KIF26B: variants seen among roughly 807,000 people sequenced by gnomAD.
The protein encoded by KIF26B is kinesin family member 26B.
KIF26B carries 63 observed loss-of-function variants against 151.2 expected under a neutral mutation model. That is an observed-to-expected ratio of 0.42 (90% CI 0.34 to 0.51). The LOEUF is 0.51. KIF26B is among the 20% of genes least tolerant of loss of function. The probability of loss-of-function intolerance (pLI) is 0.07; values close to 1 mark genes in which losing one functional copy is unlikely to be tolerated. For synonymous variants in KIF26B, 1,357 were observed against 1,262.1 expected (o/e 1.08, Z -1.59); for missense variants, 2,813 against 2,913.6 (o/e 0.97, Z 0.79).
At chr1:245,222,646 A>G (rs1437592102) in intron 2 of KIF26B, among the ~76,000 whole-genome samples, 4 of 152,242 alleles carry the variant, frequency 2.6e-5, no homozygotes, top group African/African-American at 9.6e-5. Context: ...TTGTACAAGA[A>G]TATTCATAGC....
rs201196844 is a variant in KIF26B at position 245,358,518 on chromosome 1, T to TCAAAA, written c.466-8293_466-8289dup. 1.0e-3 allele frequency among the ~76,000 whole-genome samples: 157 copies of TCAAAA among 152,176 alleles called. No homozygotes were observed. Among genetic ancestry groups the TCAAAA allele is most frequent in the African/African-American group, 3.1e-3 (130 of 41,486 alleles). ...CTGGGCTACAGAGTGAGACTCCGTC[T>TCAAAA]CAAAACAAAACAAAACAAAACAAAA... On this transcript the variant is annotated intron_variant, in intron 2 of 14. Coordinates refer to ENST00000407071, the MANE Select transcript of KIF26B (RefSeq NM_018012.4). This position sits in a 1 kb window ranked among gnomAD's most constrained non-coding sequence, Gnocchi z 4.1.
chr1:245,503,020 C>A (rs1171720195), intron 4 of KIF26B, among the ~76,000 whole-genome samples: 1 of 152,028 alleles, frequency 6.6e-6, no homozygotes, highest in Admixed American at 6.6e-5. Context: ...CGCCACCACC[C>A]CGGCTAATTT....
At chr1:245,327,335 G>A (rs1189654278) in intron 2 of KIF26B, among the ~76,000 whole-genome samples, 1 of 152,208 alleles carries the variant, frequency 6.6e-6, no homozygotes, top group African/African-American at 2.4e-5. Context: ...CCCTGATGTA[G>A]TGGTCTCATT....
intron 11 of KIF26B, among the ~76,000 whole-genome samples, chr1:245,684,999 G>A (rs767574884): frequency 1.3e-5 from 2 of 152,256 alleles, no homozygotes; most frequent in Non-Finnish European, 2.9e-5. Flanking sequence ...TGGCCACTCA[G>A]TGGCAGGGGC....
At chr1:245,297,112 G>A (rs1671350555) in intron 2 of KIF26B, among the ~76,000 whole-genome samples, 1 of 152,200 alleles carries the variant, frequency 6.6e-6, no homozygotes, top group Non-Finnish European at 1.5e-5. Flanking sequence ...GGAGGCCAAG[G>A]TGGGTGGATC....
intron 10 of KIF26B, among the ~76,000 whole-genome samples, chr1:245,651,110 A>C (rs2044011267): frequency 6.6e-6 from 1 of 152,194 alleles, no homozygotes. Flanking sequence ...TGTTCCACAA[A>C]AGCGATGAGG....
rs893631936 is a variant in KIF26B, at chr1:245,244,758, A to T, written c.465+88075A>T. Among the ~76,000 whole-genome samples the T allele has an allele frequency of 7.7e-6, 1 of 129,070 alleles. No individual in the cohort carries two copies. The highest frequency in any genetic ancestry group is 1.6e-5 in the Non-Finnish European group (1 of 64,346). The allele number at this position is 129,070 out of a possible 152,430, so 84.7% of individuals were successfully genotyped here. A position where few individuals can be genotyped will look rare whatever the true frequency, so the allele number is the denominator to read the frequency against. On this transcript the variant is annotated intron_variant, in intron 2 of 14. Coordinates refer to ENST00000407071, the MANE Select transcript of KIF26B (RefSeq NM_018012.4). This position sits in a 1 kb window ranked among gnomAD's most constrained non-coding sequence, Gnocchi z 4.2. ...AAGGAACACACAGACACGCACACTCACACACACACACACACACACACACAC... is the reference window on the plus strand; with the variant it reads ...AAGGAACACACAGACACGCACACTCTCACACACACACACACACACACACAC...
rs754774928 is a variant in KIF26B, at chr1:245,472,185, A to G, written c.1166+52440A>G. Among the ~76,000 whole-genome samples, 69 of 152,324 alleles carry G rather than the reference A, an allele frequency of 4.5e-4. 1 individual carries two copies. The Middle Eastern group carries it at 0.01, about 23-fold the overall frequency. On this transcript the variant is annotated intron_variant, in intron 4 of 14. Coordinates refer to ENST00000407071, the MANE Select transcript of KIF26B (RefSeq NM_018012.4). Reference sequence around the variant, plus strand: ...TGTGATGGGAACCAGCCAGGCAAAGATCTAGAGGGAGAGCACCAGGCCTGT... The same window carrying G: ...TGTGATGGGAACCAGCCAGGCAAAGGTCTAGAGGGAGAGCACCAGGCCTGT...
intron 4 of KIF26B, among the ~76,000 whole-genome samples, chr1:245,462,616 G>A (rs1041098400): frequency 2.0e-5 from 3 of 152,138 alleles, no homozygotes; most frequent in Non-Finnish European, 4.4e-5. Context: ...CCGTGTTAGC[G>A]ATGACAGCCA....
Position 245,521,262 on chromosome 1 carries a change from G to A in KIF26B, c.1167-19505G>A, listed in dbSNP as rs538979135. Among the ~76,000 whole-genome samples, 169 of 151,876 alleles carry A rather than the reference G, an allele frequency of 1.1e-3. 1 individual carries two copies. The highest frequency in any genetic ancestry group is 2.4e-3 in the Admixed American group (37 of 15,262). ...TGAGGCAGGAGAATGGCGTGAACCC[G>A]GGAGGCGGAGCTTGCAGTGAGCCGA... On this transcript the variant is annotated intron_variant, in intron 4 of 14. Transcript: ENST00000407071.
At chr1:245,523,729 CA>C (rs1661181633) in intron 4 of KIF26B, among the ~76,000 whole-genome samples, 1 of 152,176 alleles carries the variant, frequency 6.6e-6, no homozygotes, top group Non-Finnish European at 1.5e-5. Flanking sequence ...GCCCCATCTC[CA>C]AATACCATCA....
At chr1:245,237,787 C>A (rs1670141000) in intron 2 of KIF26B, among the ~76,000 whole-genome samples, 1 of 151,936 alleles carries the variant, frequency 6.6e-6, no homozygotes, top group Non-Finnish European at 1.5e-5. Flanking sequence ...TTTGGGAGGC[C>A]AAGGCGTGAA....
At chr1:245,379,902 C>G (rs2103016925) in intron 3 of KIF26B, among the ~76,000 whole-genome samples, 1 of 149,030 alleles carries the variant, frequency 6.7e-6, no homozygotes, top group South Asian at 2.1e-4. Context: ...ACCCGGGCGG[C>G]AGAGGTTGCA....
At position 245,540,169 on chromosome 1, in the gene KIF26B, C is replaced by T. The variant is rs546272753; in HGVS notation, c.1167-598C>T. ...TCCCTGCACAATATCCTCTTATCTA[C>T]GTAAGCAGCCCATAGCCTCAGCGCC... On this transcript the variant is annotated intron_variant, in intron 4 of 14. Transcript: ENST00000407071. The surrounding 1 kb of genome is among the most constrained non-coding windows in gnomAD (Gnocchi z 4.6). Among the ~76,000 whole-genome samples, 3 of 152,184 alleles carry T rather than the reference C, an allele frequency of 2.0e-5. No homozygotes were observed. Among genetic ancestry groups the T allele is most frequent in the Admixed American group, 1.3e-4 (2 of 15,280 alleles).
chr1:245,283,000 G>T, intron 2 of KIF26B: 1 of 296,128 alleles, frequency 3.4e-6, no homozygotes. Context: ...TCTGCTTGAG[G>T]CTCCATGTGC....
rs762353714 is a variant in KIF26B, at chr1:245,611,919, G to A, written c.2041G>A (p.Val681Met). 2.9e-5 allele frequency: 46 copies of A among 1,613,776 alleles called. No homozygotes were observed. Among genetic ancestry groups the A allele is most frequent in the Non-Finnish European group, 3.8e-5 (45 of 1,179,894 alleles). The change falls in exon 9 of 15, where the codon GTG becomes ATG. Residue 681 changes from valine to methionine, a missense_variant. Transcript: ENST00000407071. Reference sequence around the variant, plus strand: ...TGAGGACGACCACCGCAACTCACACGTGTTCTTCACACTGCACATCTACCA... The same window carrying A: ...TGAGGACGACCACCGCAACTCACACATGTTCTTCACACTGCACATCTACCA... The part of the protein sequence containing the change: ...CDEDDHRNSH[V>M]FFTLHIYQYR...
At chr1:245,558,807 C>T (rs1410511303) in intron 5 of KIF26B, among the ~76,000 whole-genome samples, 1 of 152,216 alleles carries the variant, frequency 6.6e-6, no homozygotes, top group Non-Finnish European at 1.5e-5. Context: ...CACTCAGAAG[C>T]CCCTCAGACC....
intron 2 of KIF26B, among the ~76,000 whole-genome samples, chr1:245,217,022 C>A (rs566841316): frequency 6.6e-6 from 1 of 152,312 alleles, no homozygotes; most frequent in South Asian, 2.1e-4. Context: ...CTTCCTGACC[C>A]AGCCTCAGAG....
intron 5 of KIF26B, among the ~76,000 whole-genome samples, chr1:245,599,972 C>T (rs1478304452): frequency 2.6e-5 from 4 of 151,810 alleles, no homozygotes; most frequent in Admixed American, 1.3e-4. Flanking sequence ...GTCGGGAATC[C>T]CCCACAGTAT....
Sources: allele counts gnomAD v4.1 joint callset (sites outside exome capture counted in the v4.1 genomes callset), GRCh38; gene constraint gnomAD v4.1.1; non-coding constraint Gnocchi (gnomAD v3.1); transcripts MANE v1.5; gene names NCBI Gene and HGNC (gene_info 2026-07-23, HGNC 2026-07-21).